Variants in CDH12 observed in about 807,000 individuals in gnomAD.
The protein encoded by CDH12 is cadherin 12.
Under a neutral mutation model 74.1 loss-of-function variants are expected in CDH12, and 41 were observed. The observed-to-expected ratio is 0.55, with a 90% CI of 0.43 to 0.72. The LOEUF (loss-of-function observed/expected upper bound fraction) is 0.72. Among genes scored for constraint, CDH12 ranks in the 30% least tolerant of loss-of-function variants. The pLI is 0.00. For synonymous variants in CDH12, 399 were observed against 355.0 expected (o/e 1.12, Z -1.39); for missense variants, 945 against 977.2 (o/e 0.97, Z 0.44).
In CDH12 at chr5:22,228,202, A is replaced by G. The variant is rs1017893393; in HGVS notation, c.-332-15559T>C. Among the ~76,000 whole-genome samples, 25 of 152,124 alleles carry G rather than the reference A, an allele frequency of 1.6e-4. 1 individual carries two copies. Among genetic ancestry groups the G allele is most frequent in the Admixed American group, 1.6e-3 (24 of 15,250 alleles). ...TTATTAATAATGGTACCGATTATTTACTAATATTATTAATAATATAGCTTT... is the reference window on the plus strand; with the variant it reads ...TTATTAATAATGGTACCGATTATTTGCTAATATTATTAATAATATAGCTTT... On this transcript the variant is annotated intron_variant, in intron 3 of 14. Transcript: ENST00000382254.
intron 1 of CDH12, among the ~76,000 whole-genome samples, chr5:22,506,342 A>G (rs1484373176): frequency 1.3e-5 from 2 of 152,114 alleles, no homozygotes; most frequent in Non-Finnish European, 2.9e-5. Flanking sequence ...TCAGTAATTT[A>G]TATGTATCAG....
intron 3 of CDH12, among the ~76,000 whole-genome samples, chr5:22,266,503 A>G (rs2150397372): frequency 6.6e-6 from 1 of 152,280 alleles, no homozygotes; most frequent in East Asian, 1.9e-4. Flanking sequence ...ATTTTACTAT[A>G]TGATTAAATT....
At chr5:22,310,737 A>G (rs1041456090) in intron 3 of CDH12, among the ~76,000 whole-genome samples, 2 of 152,162 alleles carry the variant, frequency 1.3e-5, no homozygotes, top group Non-Finnish European at 2.9e-5. Context: ...CATCAATAAC[A>G]ATGTCTAACT....
intron 4 of CDH12, among the ~76,000 whole-genome samples, chr5:22,171,846 C>T (rs1250130835): frequency 1.3e-5 from 2 of 151,852 alleles, no homozygotes; most frequent in East Asian, 3.9e-4. Flanking sequence ...GGAAAACTTG[C>T]TGATCTATCT....
At chr5:21,938,002 G>C (rs966610283) in intron 6 of CDH12, among the ~76,000 whole-genome samples, 4 of 152,190 alleles carry the variant, frequency 2.6e-5, no homozygotes, top group African/African-American at 7.2e-5. Flanking sequence ...GCAGGAGCCT[G>C]TTGTTCAGGG....
At chr5:22,529,184 TATATAGAGAGAGAGAGAGAG>T (rs1475204087) in intron 1 of CDH12, among the ~76,000 whole-genome samples, 9 of 83,628 alleles carry the variant, frequency 1.1e-4, no homozygotes, top group East Asian at 3.0e-4. Context: ...TATATATATA[TATATAGAGAGAGAGAGAGAG>T]AGAGAGAGAG....
At chr5:22,030,295 T>G (rs1738726892) in intron 5 of CDH12, among the ~76,000 whole-genome samples, 1 of 151,958 alleles carries the variant, frequency 6.6e-6, no homozygotes, top group South Asian at 2.1e-4. Flanking sequence ...AAAAGAAAGG[T>G]ATTTCTTGAA....
chr5:22,807,921 G>A (rs1328043037), intron 1 of CDH12, among the ~76,000 whole-genome samples: 2 of 151,990 alleles, frequency 1.3e-5, no homozygotes, highest in East Asian at 3.9e-4. Context: ...ACACTTATGG[G>A]ACATTCAATT....
chr5:22,378,857 A>T (rs558714220), intron 3 of CDH12, among the ~76,000 whole-genome samples: 3 of 152,128 alleles, frequency 2.0e-5, no homozygotes, highest in Admixed American at 1.3e-4. Flanking sequence ...CCTAGGTCAT[A>T]AAGTATAATG....
intron 1 of CDH12, among the ~76,000 whole-genome samples, chr5:22,810,661 G>A (rs1749091062): frequency 6.6e-6 from 1 of 152,132 alleles, no homozygotes; most frequent in Non-Finnish European, 1.5e-5. Flanking sequence ...AGAATCGCTT[G>A]ATGTCAGAAG....
chr5:22,816,009 G>A (rs952345133), intron 1 of CDH12, among the ~76,000 whole-genome samples: 6 of 151,978 alleles, frequency 3.9e-5, no homozygotes, highest in Non-Finnish European at 8.8e-5. Context: ...TAGAGCTTAG[G>A]GCAGAAAGGG....
chr5:22,637,969 T>C (rs970285665), intron 1 of CDH12, among the ~76,000 whole-genome samples: 4 of 152,152 alleles, frequency 2.6e-5, no homozygotes, highest in Non-Finnish European at 5.9e-5. Flanking sequence ...AACCCAAGAA[T>C]GAACCAAAAT....
intron 3 of CDH12, among the ~76,000 whole-genome samples, chr5:22,326,673 G>C (rs1739122125): frequency 6.6e-6 from 1 of 152,142 alleles, no homozygotes; most frequent in Non-Finnish European, 1.5e-5. Context: ...ATAGACATTA[G>C]GAAGAAATGT....
At position 22,696,461 on chromosome 5, in the gene CDH12, C is replaced by T. The variant is rs186835909; in HGVS notation, c.-523+156597G>A. Among the ~76,000 whole-genome samples, 15 of 150,906 alleles carry T rather than the reference C, an allele frequency of 9.9e-5. No homozygotes were observed. The East Asian group carries it at 2.9e-3, about 29-fold the overall frequency. On this transcript the variant is annotated intron_variant, in intron 1 of 14. Transcript: ENST00000382254. ...TACCATATTGACTTTAATGTGAAAA[C>T]AGAAATGTTCAATTTTTGTAAGGAA...
chr5:22,053,097 A>G (rs4346747), intron 5 of CDH12, among the ~76,000 whole-genome samples: 3,741 of 151,160 alleles, frequency 0.025, 166 homozygotes, highest in African/African-American at 0.087. Context: ...ATCATTCCAG[A>G]TAAATGAAGA....
chr5:22,675,046 T>C (rs1433920314), intron 1 of CDH12, among the ~76,000 whole-genome samples: 2 of 152,132 alleles, frequency 1.3e-5, no homozygotes, highest in African/African-American at 2.4e-5. Context: ...GAAATTTGCA[T>C]AAGTAACAAG....
chr5:22,290,964 C>T lies in CDH12; in HGVS notation c.-332-78321G>A, dbSNP rs115144485. Among the ~76,000 whole-genome samples, 733 of 151,926 alleles carry T rather than the reference C, an allele frequency of 4.8e-3. 7 individuals are homozygous for T. The highest frequency in any genetic ancestry group is 0.016 in the African/African-American group (681 of 41,466). On this transcript the variant is annotated intron_variant, in intron 3 of 14. Transcript: ENST00000382254. ...AATACCAGTTCTTCTCAATCTCTTCCGAAAAATTGAAGAGGAGAGAACAAA... is the reference window on the plus strand; with the variant it reads ...AATACCAGTTCTTCTCAATCTCTTCTGAAAAATTGAAGAGGAGAGAACAAA...
chr5:21,923,711 T>A (rs1754462663), intron 6 of CDH12, among the ~76,000 whole-genome samples: 1 of 152,184 alleles, frequency 6.6e-6, no homozygotes, highest in Admixed American at 6.5e-5. Context: ...TTATTTTTAA[T>A]AAGTTTTGGG....
chr5:22,248,534 A>G (rs1299038400), intron 3 of CDH12, among the ~76,000 whole-genome samples: 3 of 152,150 alleles, frequency 2.0e-5, no homozygotes, highest in Non-Finnish European at 2.9e-5. Context: ...ACATGCTAAA[A>G]ATATGTTTAC....
Sources: gnomAD v4.1 joint callset for allele counts (sites outside exome capture counted in the v4.1 genomes callset) on GRCh38, gnomAD v4.1.1 for gene constraint, MANE v1.5 for transcripts, NCBI Gene and HGNC (gene_info 2026-07-23, HGNC 2026-07-21) for gene names.